The following ATXN2 variants were observed in gnomAD, a reference collection of about 807,000 sequenced individuals.
ATXN2 encodes ataxin 2.
In ATXN2, 37 loss-of-function variants were observed where a neutral mutation model predicts 138.6. That is an observed-to-expected ratio of 0.27 (90% CI 0.21 to 0.35). ATXN2 has a LOEUF of 0.35. Among genes scored for constraint, ATXN2 ranks in the 10% least tolerant of loss-of-function variants. ATXN2 has a pLI of 1.00. For synonymous variants in ATXN2, 549 were observed against 543.7 expected (o/e 1.01, Z -0.13); for missense variants, 1,216 against 1,480.3 (o/e 0.82, Z 2.93).
chr12:111,466,392 T>G (rs533064937), intron 20 of ATXN2, among the ~76,000 whole-genome samples: 4 of 151,154 alleles, frequency 2.6e-5, no homozygotes, highest in African/African-American at 7.3e-5. Flanking sequence ...TCCTAGCTAC[T>G]CGGGAGGCTG....
At chr12:111,542,192 G>C (rs1389744886) in intron 5 of ATXN2, among the ~76,000 whole-genome samples, 1 of 145,758 alleles carries the variant, frequency 6.9e-6, no homozygotes, top group African/African-American at 2.4e-5. Context: ...GTCTCCTTCA[G>C]CTGTGTCTTC....
intron 1 of ATXN2, among the ~76,000 whole-genome samples, chr12:111,566,892 C>G (rs1883043742): frequency 6.6e-6 from 1 of 152,130 alleles, no homozygotes; most frequent in African/African-American, 2.4e-5. Flanking sequence ...CCCTCCTTGG[C>G]CTCCCAAAGT....
At chr12:111,522,284 G>C (rs1880206795) in intron 6 of ATXN2, among the ~76,000 whole-genome samples, 1 of 150,028 alleles carries the variant, frequency 6.7e-6, no homozygotes, top group Non-Finnish European at 1.5e-5. Flanking sequence ...AAAAGTAAAT[G>C]TCTTCCAATC....
At chr12:111,555,771 T>C (rs1188096821) in intron 2 of ATXN2, 112 bp downstream of exon 2, 13 of 870,766 alleles carry the variant, frequency 1.5e-5, no homozygotes, top group African/African-American at 3.5e-5. Flanking sequence ...AGTCAAGTTA[T>C]CTATGACAAA....
rs185883291 is a variant in ATXN2 at position 111,590,775 on chromosome 12, G to A, written c.251+8009C>T. Among the ~76,000 whole-genome samples the A allele has an allele frequency of 8.1e-4, 123 of 152,218 alleles. 1 individual carries two copies. Among genetic ancestry groups the A allele is most frequent in the African/African-American group, 2.9e-3 (120 of 41,506 alleles). ...ACCTGAGCCCCACCTGTTAGATCAGGTGCAGCATTAGGTTCTTATAGAAGC... is the reference window on the plus strand; with the variant it reads ...ACCTGAGCCCCACCTGTTAGATCAGATGCAGCATTAGGTTCTTATAGAAGC... On this transcript the variant is annotated intron_variant, in intron 1 of 24. Transcript: ENST00000673436.
chr12:111,482,665 C>G (rs1048748726), intron 18 of ATXN2: 12 of 151,998 alleles, frequency 7.9e-5, no homozygotes, highest in Non-Finnish European at 1.3e-4. Context: ...AACAGCTACA[C>G]CTGCTGGTGA....
At chr12:111,569,938 T>A (rs1042524291) in intron 1 of ATXN2, among the ~76,000 whole-genome samples, 1 of 152,196 alleles carries the variant, frequency 6.6e-6, no homozygotes, top group Non-Finnish European at 1.5e-5. Context: ...ATGATGAAGA[T>A]GTCCTATGTC....
chr12:111,508,639 G>A (rs1879325398), intron 14 of ATXN2, among the ~76,000 whole-genome samples: 1 of 151,560 alleles, frequency 6.6e-6, no homozygotes, highest in Admixed American at 6.6e-5. Flanking sequence ...TCAAGACAGG[G>A]TTTCACCATG....
At chr12:111,575,361 A>T (rs1883579128) in intron 1 of ATXN2, among the ~76,000 whole-genome samples, 1 of 152,008 alleles carries the variant, frequency 6.6e-6, no homozygotes, top group Admixed American at 6.6e-5. Context: ...ATTAAAAAAT[A>T]TTTTTTGTAG....
intron 1 of ATXN2, among the ~76,000 whole-genome samples, chr12:111,586,840 C>A (rs573596022): frequency 2.0e-5 from 3 of 152,190 alleles, no homozygotes; most frequent in Admixed American, 6.6e-5. Flanking sequence ...AACTTTCTAT[C>A]ACGCTACTGT....
chr12:111,542,348 AG>A (rs1205063277), intron 5 of ATXN2, among the ~76,000 whole-genome samples: 2 of 152,020 alleles, frequency 1.3e-5, no homozygotes, highest in African/African-American at 4.8e-5. Context: ...CTCCTGCCTC[AG>A]CCTCCCAAGT....
intron 21 of ATXN2, among the ~76,000 whole-genome samples, chr12:111,459,906 G>A (rs967601953): frequency 1.6e-5 from 2 of 128,864 alleles, no homozygotes; most frequent in Non-Finnish European, 3.3e-5. Context: ...TAGTAGAGAC[G>A]GGGTTTCACC....
At chr12:111,470,772 A>C in intron 18 of ATXN2, 30 bp from the exon 19 acceptor site, 1 of 1,610,060 alleles carries the variant, frequency 6.2e-7, no homozygotes, top group Non-Finnish European at 8.5e-7. Flanking sequence ...CTGCCTATTA[A>C]ACAGTATCTC....
rs1487442150 is a variant in ATXN2 at position 111,453,624 on chromosome 12, G to A, written c.3439+53C>T. 1.3e-6 allele frequency: 2 copies of A among 1,484,388 alleles called. No homozygotes were observed. Among genetic ancestry groups the A allele is most frequent in the South Asian group, 1.4e-5 (1 of 72,816 alleles). The allele number at this position is 1,484,388 out of a possible 1,614,324, so 92.0% of individuals were successfully genotyped here. Reference sequence around the variant, plus strand: ...TGGCCCTGCCTGCCATTCCACCTGTGCGAGCAGAATGCTTTGGGGTGCCCC... The same window carrying A: ...TGGCCCTGCCTGCCATTCCACCTGTACGAGCAGAATGCTTTGGGGTGCCCC... On this transcript the variant is annotated intron_variant, in intron 24 of 24. Transcript: ENST00000673436. The surrounding 1 kb of genome is among the most constrained non-coding windows in gnomAD (Gnocchi z 5.4).
chr12:111,458,469 A>T (rs1210270609), intron 21 of ATXN2: 3 of 152,250 alleles, frequency 2.0e-5, no homozygotes, highest in African/African-American at 7.2e-5. Context: ...AATCAGAAGC[A>T]GAGTAGGATG....
At position 111,509,403 on chromosome 12, in the gene ATXN2, G is replaced by C. The variant is rs1879369648; in HGVS notation, c.1935+146C>G. ...TTTAGTTATCCCACTTAAAGGATAG[G>C]CAAAGACCACTTTAAAAATGTTCTG... On this transcript the variant is annotated intron_variant, in intron 14 of 24. Coordinates refer to ENST00000673436, the MANE Select transcript of ATXN2 (RefSeq NM_001372574.1). 25 of 571,192 alleles carry C rather than the reference G, an allele frequency of 4.4e-5. 3 individuals carry two copies. The South Asian group carries it at 5.0e-4, about 11-fold the overall frequency. The allele number at this position is 571,192 out of a possible 1,614,324, so 35.4% of individuals were successfully genotyped here.
chr12:111,541,025 T>C lies in ATXN2; in HGVS notation c.571+11255A>G, dbSNP rs956530823. On this transcript the variant is annotated intron_variant, in intron 5 of 24. Transcript: ENST00000673436. ...TCTTTAATCTCTTTATAATCAAAGG[T>C]ATCGATCTTTTACTTCATGATTTTT... is the stretch of plus-strand genomic sequence containing the variant. Among the ~76,000 whole-genome samples the C allele has an allele frequency of 1.1e-4, 16 of 150,142 alleles. 1 individual carries two copies. The highest frequency in any genetic ancestry group is 3.6e-4 in the African/African-American group (15 of 41,246).
chr12:111,502,619 T>C (rs1006448725), intron 14 of ATXN2, among the ~76,000 whole-genome samples: 5 of 151,908 alleles, frequency 3.3e-5, no homozygotes, highest in African/African-American at 1.2e-4. Flanking sequence ...TTAGTAGAGA[T>C]GGGGTTTCAT....
intron 10 of ATXN2, 104 bp from the exon 11 acceptor site, chr12:111,513,643 ACT>A (rs1247786621): frequency 1.2e-5 from 11 of 917,808 alleles, no homozygotes; most frequent in African/African-American, 1.8e-5. Context: ...ACACTCACTC[ACT>A]CTACAGTTTT....
Sources: gnomAD v4.1 joint callset for allele counts (sites outside exome capture counted in the v4.1 genomes callset) on GRCh38, gnomAD v4.1.1 for gene constraint, Gnocchi (gnomAD v3.1) non-coding constraint, MANE v1.5 for transcripts, NCBI Gene and HGNC (gene_info 2026-07-23, HGNC 2026-07-21) for gene names.